Variants in ZNF536 observed in about 807,000 individuals in gnomAD.
The protein encoded by ZNF536 is zinc finger protein 536.
ZNF536 carries 13 observed loss-of-function variants against 84.5 expected under a neutral mutation model. The ratio of observed to expected loss-of-function variants is 0.15; its 90% CI spans 0.10 to 0.24. The LOEUF (loss-of-function observed/expected upper bound fraction) is 0.24, where lower values mean the gene tolerates loss of function less well. Among genes scored for constraint, ZNF536 ranks in the 10% least tolerant of loss-of-function variants. ZNF536 has a pLI of 1.00. For missense variants in ZNF536, 1,536 were observed against 1,747.5 expected (o/e 0.88, Z 2.16); for synonymous variants, 811 against 742.5 (o/e 1.09, Z -1.50).
At chr19:30,232,996 G>A (rs2023190344) in intron 1 of ZNF536, among the ~76,000 whole-genome samples, 1 of 152,222 alleles carries the variant, frequency 6.6e-6, no homozygotes, top group Non-Finnish European at 1.5e-5. Context: ...AAGGTCAGCT[G>A]TGGTCCTACC....
At chr19:30,527,584 C>A (rs7248805) in intron 2 of ZNF536, among the ~76,000 whole-genome samples, 1 of 151,396 alleles carries the variant, frequency 6.6e-6, no homozygotes, top group African/African-American at 2.4e-5. Flanking sequence ...TAAAATTGAG[C>A]ACTCTGATGC....
intron 2 of ZNF536, among the ~76,000 whole-genome samples, chr19:30,530,001 C>G (rs1277380276): frequency 2.0e-5 from 3 of 152,180 alleles, no homozygotes; most frequent in Admixed American, 6.5e-5. Context: ...CAGAGCACAC[C>G]CAGGCTGAGG....
chr19:30,322,160 C>T (rs2046879494), intron 2 of ZNF536, among the ~76,000 whole-genome samples: 2 of 152,142 alleles, frequency 1.3e-5, no homozygotes, highest in African/African-American at 2.4e-5. Context: ...TCAGGCATCA[C>T]GTGATTTGTA....
chr19:30,355,544 T>A (rs1179061370), intron 3 of ZNF536, among the ~76,000 whole-genome samples: 11 of 152,058 alleles, frequency 7.2e-5, no homozygotes, highest in Admixed American at 7.2e-4. Flanking sequence ...CCTCCCACCG[T>A]GCCTCGCTAA....
intron 1 of ZNF536, among the ~76,000 whole-genome samples, chr19:30,569,267 C>T (rs548238303): frequency 6.6e-6 from 1 of 152,172 alleles, no homozygotes; most frequent in South Asian, 2.1e-4. Flanking sequence ...TTAGAAGACC[C>T]CATAGCCATT....
chr19:30,288,321 C>A (rs1170901594), intron 2 of ZNF536, among the ~76,000 whole-genome samples: 2 of 152,142 alleles, frequency 1.3e-5, no homozygotes, highest in Non-Finnish European at 2.9e-5. Flanking sequence ...GTGTCCTCTT[C>A]AGCCCTGCCA....
At chr19:30,471,538 T>A (rs1282546935) in intron 2 of ZNF536, among the ~76,000 whole-genome samples, 1 of 152,234 alleles carries the variant, frequency 6.6e-6, no homozygotes, top group Non-Finnish European at 1.5e-5. Flanking sequence ...ATCACCCAGA[T>A]GCCCCTAGAG....
chr19:30,572,264 G>T (rs763030059), intron 1 of ZNF536, among the ~76,000 whole-genome samples: 26 of 152,228 alleles, frequency 1.7e-4, no homozygotes, highest in Non-Finnish European at 3.4e-4. Flanking sequence ...CGTCTCACGG[G>T]AAGGCAGGCT....
At chr19:30,366,362 C>CTCTATCTA (rs10563588) in intron 3 of ZNF536, among the ~76,000 whole-genome samples, 19,414 of 146,376 alleles carry the variant, frequency 0.13, 1,323 homozygotes, top group East Asian at 0.25. Flanking sequence ...CCTATCATAT[C>CTCTATCTA]TCTATCTATC....
At chr19:30,630,403 G>A (rs1285040277) in intron 1 of ZNF536, among the ~76,000 whole-genome samples, 2 of 1,990 alleles carry the variant, frequency 1.0e-3, no homozygotes, top group Non-Finnish European at 0.016. Context: ...AGTATCCCGT[G>A]TGTGTGTGTG....
At chr19:30,533,233 G>A (rs1471836926) in intron 2 of ZNF536, among the ~76,000 whole-genome samples, 2 of 152,150 alleles carry the variant, frequency 1.3e-5, no homozygotes, top group African/African-American at 2.4e-5. Context: ...AGAATTAAAT[G>A]TCTCGGACCC....
At chr19:30,296,146 C>G (rs1264344303) in intron 2 of ZNF536, 1 of 152,174 alleles carries the variant, frequency 6.6e-6, no homozygotes, top group African/African-American at 2.4e-5. Context: ...TGTCATTATC[C>G]CATTTCAGAG....
At chr19:30,462,530 A>T (rs543471037) in intron 2 of ZNF536, among the ~76,000 whole-genome samples, 1 of 152,102 alleles carries the variant, frequency 6.6e-6, no homozygotes, top group Non-Finnish European at 1.5e-5. Flanking sequence ...ATGAGAGAGG[A>T]TGTGCCTGTG....
At chr19:30,236,272 A>T (rs904256141) in intron 1 of ZNF536, among the ~76,000 whole-genome samples, 6 of 152,242 alleles carry the variant, frequency 3.9e-5, no homozygotes, top group Non-Finnish European at 5.9e-5. Flanking sequence ...AGCTGGGAAC[A>T]GTCTGAAGCC....
chr19:30,470,697 T>C (rs2053597553), intron 2 of ZNF536, among the ~76,000 whole-genome samples: 1 of 150,494 alleles, frequency 6.6e-6, no homozygotes, highest in Admixed American at 6.6e-5. Flanking sequence ...TTTTTTTTTT[T>C]TTTTTTGAGA....
chr19:30,317,305 C>T (rs946116505), intron 2 of ZNF536, among the ~76,000 whole-genome samples: 1 of 152,168 alleles, frequency 6.6e-6, no homozygotes, highest in East Asian at 1.9e-4. Context: ...CAGCTGGGTC[C>T]TGTCAGAGCA....
chr19:30,362,304 G>C (rs1285759438), intron 3 of ZNF536, among the ~76,000 whole-genome samples: 4 of 152,098 alleles, frequency 2.6e-5, no homozygotes, highest in Non-Finnish European at 5.9e-5. Flanking sequence ...TTCCTAGTGA[G>C]CTCCGGAAGA....
chr19:30,568,010 G>T (rs962717122), intron 1 of ZNF536, among the ~76,000 whole-genome samples: 2 of 152,148 alleles, frequency 1.3e-5, no homozygotes, highest in East Asian at 1.9e-4. Context: ...CACAGAACAG[G>T]TTCTTTAGGG....
intron 1 of ZNF536, among the ~76,000 whole-genome samples, chr19:30,581,258 C>CT (rs2046910024): frequency 6.6e-6 from 1 of 152,170 alleles, no homozygotes; most frequent in Non-Finnish European, 1.5e-5. Context: ...GGGAGAATCA[C>CT]TTGAGGTCAG....
Sources: allele counts gnomAD v4.1 joint callset (sites outside exome capture counted in the v4.1 genomes callset), GRCh38; gene constraint gnomAD v4.1.1; transcripts MANE v1.5; gene names NCBI Gene and HGNC (gene_info 2026-07-23, HGNC 2026-07-21).